CCDC91: variants seen among roughly 807,000 people sequenced by gnomAD.
The protein encoded by CCDC91 is coiled-coil domain containing 91.
In CCDC91, 48 loss-of-function variants were observed where a neutral mutation model predicts 63.2. The ratio of observed to expected loss-of-function variants is 0.76; its 90% CI spans 0.60 to 0.97. The LOEUF (loss-of-function observed/expected upper bound fraction) is 0.97. Among genes scored for constraint, CCDC91 ranks in the 50% least tolerant of loss-of-function variants. The pLI is 0.00. For synonymous variants in CCDC91, 167 were observed against 165.8 expected (o/e 1.01, Z -0.06); for missense variants, 500 against 494.6 (o/e 1.01, Z -0.10).
intron 6 of CCDC91, among the ~76,000 whole-genome samples, chr12:28,353,772 T>G (rs1380577394): frequency 6.6e-6 from 1 of 152,092 alleles, no homozygotes; most frequent in African/African-American, 2.4e-5. Flanking sequence ...GAACTAATAA[T>G]GAAAAATTTT....
chr12:28,271,137 C>T (rs1247754783), intron 3 of CCDC91, among the ~76,000 whole-genome samples: 1 of 152,122 alleles, frequency 6.6e-6, no homozygotes, highest in Non-Finnish European at 1.5e-5. Flanking sequence ...TGTTTGAGTT[C>T]AACTCAGGAT....
At position 28,484,041 on chromosome 12, in the gene CCDC91, C is replaced by T; in HGVS notation, c.1102-11C>T. 1 of 1,587,168 alleles carries T rather than the reference C, an allele frequency of 6.3e-7. No individual in the cohort carries two copies. Among genetic ancestry groups the T allele is most frequent in the Non-Finnish European group, 8.6e-7 (1 of 1,159,870 alleles). ...CACCTCCCTGACTGTTTTGCCTTCTCCCACAAACAGGAAACTGTTAAGGCA... is the reference window on the plus strand; with the variant it reads ...CACCTCCCTGACTGTTTTGCCTTCTTCCACAAACAGGAAACTGTTAAGGCA... On this transcript the variant is annotated splice_polypyrimidine_tract_variant and intron_variant, in intron 11 of 12. Coordinates refer to ENST00000536442, the MANE Select transcript of CCDC91 (RefSeq NM_018318.5).
In CCDC91 at chr12:28,408,246, G is replaced by A. The variant is rs144944575; in HGVS notation, c.762+16835G>A. ...GAGAACATGTGGTGTTTGGTTTTCT[G>A]TTCCTGTGTTAGTTTGCTGAGAATG... On this transcript the variant is annotated intron_variant, in intron 8 of 12. Coordinates refer to ENST00000536442, the MANE Select transcript of CCDC91 (RefSeq NM_018318.5). Among the ~76,000 whole-genome samples the A allele has an allele frequency of 3.9e-3, 587 of 152,142 alleles. 7 individuals carry two copies. Among genetic ancestry groups the A allele is most frequent in the African/African-American group, 0.013 (555 of 41,484 alleles).
intron 6 of CCDC91, among the ~76,000 whole-genome samples, chr12:28,337,498 T>C (rs1294488025): frequency 6.6e-6 from 1 of 152,084 alleles, no homozygotes; most frequent in African/African-American, 2.4e-5. Flanking sequence ...CTGAATATCT[T>C]TATGCAGGAA....
chr12:28,202,163 T>C (rs1419360425), intron 1 of CCDC91, among the ~76,000 whole-genome samples: 2 of 152,236 alleles, frequency 1.3e-5, no homozygotes, highest in African/African-American at 4.8e-5. Context: ...ATTGTTATCA[T>C]ACTTCATATA....
intron 1 of CCDC91, among the ~76,000 whole-genome samples, chr12:28,249,552 G>C (rs959484460): frequency 2.6e-5 from 4 of 152,150 alleles, no homozygotes; most frequent in African/African-American, 9.7e-5. Context: ...GTTTTTCCCT[G>C]ATGAGCTTCT....
At chr12:28,243,052 AC>A (rs1945451835) in intron 1 of CCDC91, among the ~76,000 whole-genome samples, 1 of 151,942 alleles carries the variant, frequency 6.6e-6, no homozygotes. Context: ...GGCCAATTAA[AC>A]CCCATTTCTT....
At position 28,523,503 on chromosome 12, in the gene CCDC91, A is replaced by C. The variant is rs184579652; in HGVS notation, c.1216-25560A>C. The stretch of plus-strand genomic sequence containing the variant: ...GAGATGGGTCTCCTGAATACAGCAC[A>C]CTGATGGGTCTTGACTCTTTATCCA... On this transcript the variant is annotated intron_variant, in intron 12 of 12. Coordinates refer to ENST00000536442, the MANE Select transcript of CCDC91 (RefSeq NM_018318.5). Among the ~76,000 whole-genome samples the C allele has an allele frequency of 1.1e-4, 17 of 152,206 alleles. 1 individual carries two copies. The East Asian group carries it at 3.3e-3, about 29-fold the overall frequency.
chr12:28,470,104 G>T (rs1450988368), intron 11 of CCDC91, among the ~76,000 whole-genome samples: 2 of 152,034 alleles, frequency 1.3e-5, no homozygotes, highest in Admixed American at 1.3e-4. Flanking sequence ...AAGTTAAAAA[G>T]CTTCTGTATG....
In CCDC91 at chr12:28,502,487, C is replaced by T. The variant is rs1028834621; in HGVS notation, c.1215+18322C>T. 1.3e-4 allele frequency among the ~76,000 whole-genome samples: 20 copies of T among 151,240 alleles called. No individual in the cohort carries two copies. In the East Asian group the frequency reaches 1.4e-3, roughly 10 times the overall value. Reference sequence around the variant, plus strand: ...GCTCATGGGTAGGAAGAATCAATATCGTGAAAATGGCCATACTGCCCAAGG... The same window carrying T: ...GCTCATGGGTAGGAAGAATCAATATTGTGAAAATGGCCATACTGCCCAAGG... On this transcript the variant is annotated intron_variant, in intron 12 of 12. Coordinates refer to ENST00000536442, the MANE Select transcript of CCDC91 (RefSeq NM_018318.5).
At chr12:28,381,395 G>C (rs1328589153) in intron 7 of CCDC91, among the ~76,000 whole-genome samples, 1 of 150,892 alleles carries the variant, frequency 6.6e-6, no homozygotes, top group Non-Finnish European at 1.5e-5. Flanking sequence ...ATTTTTTTTT[G>C]TCATGGTAAC....
In CCDC91 at chr12:28,275,457, T is replaced by A. The variant is rs369864906; in HGVS notation, c.109+16015T>A. On this transcript the variant is annotated intron_variant, in intron 3 of 12. Coordinates refer to ENST00000536442, the MANE Select transcript of CCDC91 (RefSeq NM_018318.5). ...ATCTCTGAATAGACCAATAACAGGC[T>A]CTGAAATTGAGGCAGTAAGTAATAG... Among the ~76,000 whole-genome samples, 4 of 152,096 alleles carry A rather than the reference T, an allele frequency of 2.6e-5. No homozygotes were observed. In the East Asian group the frequency reaches 5.8e-4, roughly 22 times the overall value.
intron 8 of CCDC91, among the ~76,000 whole-genome samples, chr12:28,441,566 A>AT (rs553983785): frequency 2.0e-5 from 3 of 151,390 alleles, no homozygotes; most frequent in Non-Finnish European, 4.4e-5. Flanking sequence ...AGTATTACAG[A>AT]TTTTTTGGCA....
chr12:28,232,804 T>C (rs1364936639), intron 1 of CCDC91, among the ~76,000 whole-genome samples: 1 of 152,000 alleles, frequency 6.6e-6, no homozygotes, highest in Non-Finnish European at 1.5e-5. Flanking sequence ...GTGATAATTC[T>C]TGTGTTAAAA....
chr12:28,316,306 A>G (rs1294609054), intron 6 of CCDC91, among the ~76,000 whole-genome samples: 1 of 151,326 alleles, frequency 6.6e-6, no homozygotes, highest in African/African-American at 2.4e-5. Flanking sequence ...TTATTGCTTC[A>G]TTTCTTTTTG....
intron 1 of CCDC91, chr12:28,236,276 A>T (rs1944943510): frequency 6.6e-6 from 1 of 152,048 alleles, no homozygotes; most frequent in African/African-American, 2.4e-5. Flanking sequence ...CATTTTGTAT[A>T]AATATTATGT....
At chr12:28,545,610 G>A (rs1164266134) in intron 12 of CCDC91, among the ~76,000 whole-genome samples, 1 of 151,998 alleles carries the variant, frequency 6.6e-6, no homozygotes, top group South Asian at 2.1e-4. Flanking sequence ...CTTACTTTCA[G>A]AGTGCTCTGG....
At chr12:28,536,024 A>G (rs1390944264) in intron 12 of CCDC91, among the ~76,000 whole-genome samples, 3 of 149,428 alleles carry the variant, frequency 2.0e-5, no homozygotes, top group Non-Finnish European at 4.4e-5. Flanking sequence ...GCAAGACTCC[A>G]TCTCAAAAAA....
intron 1 of CCDC91, among the ~76,000 whole-genome samples, chr12:28,226,374 C>A (rs1424722834): frequency 6.6e-6 from 1 of 152,100 alleles, no homozygotes; most frequent in Non-Finnish European, 1.5e-5. Flanking sequence ...TCTGTGGATT[C>A]TATTTGTTCC....
Sources: allele counts gnomAD v4.1 joint callset (sites outside exome capture counted in the v4.1 genomes callset), GRCh38; gene constraint gnomAD v4.1.1; transcripts MANE v1.5; gene names NCBI Gene and HGNC (gene_info 2026-07-23, HGNC 2026-07-21).